PTCHD4: variants seen among roughly 807,000 people sequenced by gnomAD.
PTCHD4 encodes the protein patched domain containing 4.
Under a neutral mutation model 58.1 loss-of-function variants are expected in PTCHD4, and 33 were observed. The ratio of observed to expected loss-of-function variants is 0.57; its 90% CI spans 0.43 to 0.76. PTCHD4 has a LOEUF of 0.76. PTCHD4 is among the 30% of genes least tolerant of loss of function. The probability of loss-of-function intolerance (pLI) is 0.00; values close to 1 mark genes in which losing one functional copy is unlikely to be tolerated. For missense variants in PTCHD4, 1,058 were observed against 1,027.1 expected, an observed-to-expected ratio of 1.03 and a Z score of -0.41; for synonymous variants, 478 against 409.6, an observed-to-expected ratio of 1.17 and a Z score of -2.02.
In PTCHD4 at chr6:47,864,560, G is replaced by A. The variant is rs182870927; in HGVS notation, c.*13743C>T. ...CATGACCCAAAGGGCATCGCATAAA[G>A]CTACGTGGATGATCAAGCTGCTGTG... On this transcript the variant is annotated 3_prime_UTR_variant, in exon 5 of 5. Coordinates refer to ENST00000339488, the MANE Select transcript of PTCHD4 (RefSeq NM_001384253.1). Among the ~76,000 whole-genome samples, 112 of 152,056 alleles carry A rather than the reference G, an allele frequency of 7.4e-4. No homozygotes were observed. The highest frequency in any genetic ancestry group is 1.2e-3 in the Non-Finnish European group (84 of 67,896).
chr6:48,001,754 C>T, intron 4 of PTCHD4, among the ~76,000 whole-genome samples: 1 of 152,158 alleles, frequency 6.6e-6, no homozygotes, highest in Non-Finnish European at 1.5e-5. Context: ...CCAAAATTGA[C>T]AAATGGGATC....
rs190326511 is a variant in PTCHD4 at position 48,001,812 on chromosome 6, G to T, written c.898+6822C>A. Among the ~76,000 whole-genome samples, 752 of 152,312 alleles carry T rather than the reference G, an allele frequency of 4.9e-3. 5 individuals are homozygous for T. Among genetic ancestry groups the T allele is most frequent in the African/African-American group, 0.016 (680 of 41,572 alleles). ...CACAGCAAAAGAAACTACCATTAGC[G>T]TGAACAGGCAACCTACAGAATGGAA... On this transcript the variant is annotated intron_variant, in intron 4 of 4. Transcript: ENST00000339488.
At chr6:48,049,737 AT>A (rs1187804701) in intron 3 of PTCHD4, among the ~76,000 whole-genome samples, 2 of 152,094 alleles carry the variant, frequency 1.3e-5, no homozygotes, top group East Asian at 3.9e-4. Context: ...TGTGAACTAC[AT>A]CGTAAATTCT....
At chr6:48,002,480 A>T (rs1214516983) in intron 4 of PTCHD4, among the ~76,000 whole-genome samples, 1 of 152,100 alleles carries the variant, frequency 6.6e-6, no homozygotes, top group Non-Finnish European at 1.5e-5. Context: ...GAAGCTGGAA[A>T]CCATCATTGT....
chr6:47,872,225 AG>A lies in PTCHD4; in HGVS notation c.*6077del, dbSNP rs762972669. ...AAGTTAAATTTATATAGCACTGAAA[AG>A]TTATACATTTTTATTAAACACCAGT... is the stretch of plus-strand genomic sequence containing the variant. On this transcript the variant is annotated 3_prime_UTR_variant, in exon 5 of 5. Transcript: ENST00000339488. Among the ~76,000 whole-genome samples the A allele has an allele frequency of 2.0e-5, 3 of 151,810 alleles. No individual in the cohort carries two copies. The highest frequency in any genetic ancestry group is 2.1e-4 in the South Asian group (1 of 4,826).
intron 4 of PTCHD4, among the ~76,000 whole-genome samples, chr6:47,964,007 G>C (rs930772765): frequency 1.3e-5 from 2 of 152,198 alleles, no homozygotes; most frequent in African/African-American, 4.8e-5. Flanking sequence ...CCAACGTGCT[G>C]TTGCATAAAG....
chr6:48,095,266 A>T (rs2113906197), intron 1 of PTCHD4, among the ~76,000 whole-genome samples: 1 of 152,372 alleles, frequency 6.6e-6, no homozygotes, highest in South Asian at 2.1e-4. Context: ...TTTACACTAA[A>T]AATGTATAGT....
At chr6:47,972,627 T>C (rs1767559119) in intron 4 of PTCHD4, among the ~76,000 whole-genome samples, 1 of 151,930 alleles carries the variant, frequency 6.6e-6, no homozygotes, top group South Asian at 2.1e-4. Context: ...GTAAATATCA[T>C]ATAATTATTT....
intron 4 of PTCHD4, among the ~76,000 whole-genome samples, chr6:47,981,443 C>T (rs1175712366): frequency 1.3e-5 from 2 of 151,500 alleles, no homozygotes; most frequent in Non-Finnish European, 2.9e-5. Flanking sequence ...TTTCTGTTTG[C>T]TTTGTGGTCA....
chr6:48,108,092 T>C (rs1765778350), intron 1 of PTCHD4, among the ~76,000 whole-genome samples: 1 of 152,176 alleles, frequency 6.6e-6, no homozygotes, highest in Admixed American at 6.5e-5. Flanking sequence ...CCAGCCATCC[T>C]ATTACTGGGC....
Position 47,876,802 on chromosome 6 carries a change from A to G in PTCHD4, c.*1501T>C, listed in dbSNP as rs2114090795. Among the ~76,000 whole-genome samples, 1 of 152,164 alleles carries G rather than the reference A, an allele frequency of 6.6e-6. No individual in the cohort carries two copies. The highest frequency in any genetic ancestry group is 2.4e-5 in the African/African-American group (1 of 41,556). ...TGACAGGAGGCACAGCAATAGTCCA[A>G]GTAAGCACCCAACAGGTGCTTGGGA... On this transcript the variant is annotated 3_prime_UTR_variant, in exon 5 of 5. Coordinates refer to ENST00000339488, the MANE Select transcript of PTCHD4 (RefSeq NM_001384253.1).
At chr6:47,931,838 G>T in intron 4 of PTCHD4, among the ~76,000 whole-genome samples, 1 of 151,898 alleles carries the variant, frequency 6.6e-6, no homozygotes, top group East Asian at 1.9e-4. Flanking sequence ...ACAGTGTGTC[G>T]TGTATCCTCC....
At chr6:47,901,494 T>C in intron 4 of PTCHD4, 2 of 979,616 alleles carry the variant, frequency 2.0e-6, no homozygotes, top group African/African-American at 1.7e-5. Flanking sequence ...ACTTCATCAG[T>C]CAGTATTTAG....
chr6:47,913,060 G>A (rs532179730), intron 4 of PTCHD4, among the ~76,000 whole-genome samples: 1 of 152,082 alleles, frequency 6.6e-6, no homozygotes, highest in South Asian at 2.1e-4. Flanking sequence ...TTTACAGTTT[G>A]TATTTGTTAA....
chr6:47,877,083 A>G lies in PTCHD4; in HGVS notation c.*1220T>C, dbSNP rs144771058. Among the ~76,000 whole-genome samples, 120 of 152,158 alleles carry G rather than the reference A, an allele frequency of 7.9e-4. 1 individual carries two copies. The highest frequency in any genetic ancestry group is 1.2e-3 in the Non-Finnish European group (81 of 67,978). On this transcript the variant is annotated 3_prime_UTR_variant, in exon 5 of 5. Transcript: ENST00000339488. ...TATGTTCCAAATACTAATGCAAGGA[A>G]TACACTAGAGTTTATAGGATTAGAA...
At chr6:47,936,887 C>T (rs1766019448) in intron 4 of PTCHD4, among the ~76,000 whole-genome samples, 1 of 152,200 alleles carries the variant, frequency 6.6e-6, no homozygotes, top group Non-Finnish European at 1.5e-5. Context: ...ACGCTCCAGT[C>T]TTAACCTAGA....
chr6:47,927,092 G>T (rs1765649116), intron 4 of PTCHD4, among the ~76,000 whole-genome samples: 1 of 152,148 alleles, frequency 6.6e-6, no homozygotes, highest in Admixed American at 6.5e-5. Context: ...GATCCCCCAA[G>T]TTCTCTAGGC....
chr6:48,004,423 T>A (rs2753190), intron 4 of PTCHD4, among the ~76,000 whole-genome samples: 107,061 of 152,010 alleles, frequency 0.7, 37,762 homozygotes, highest in East Asian at 0.84. Flanking sequence ...AAGCACAGAA[T>A]GAGCCAGCTT....
intron 4 of PTCHD4, among the ~76,000 whole-genome samples, chr6:47,999,714 A>G (rs77169130): frequency 0.058 from 8,799 of 152,180 alleles, 426 homozygotes; most frequent in African/African-American, 0.13. Context: ...GTTTTATCCT[A>G]CTAAATTTTG....
Sources: allele counts gnomAD v4.1 joint callset (sites outside exome capture counted in the v4.1 genomes callset), GRCh38; gene constraint gnomAD v4.1.1; transcripts MANE v1.5; gene names NCBI Gene and HGNC (gene_info 2026-07-23, HGNC 2026-07-21).